The following ABL1 variants were observed in gnomAD, a reference collection of about 807,000 sequenced individuals.
ABL1 encodes ABL proto-oncogene 1, non-receptor tyrosine kinase.
In ABL1, 11 loss-of-function variants were observed where a neutral mutation model predicts 94.7. That is an observed-to-expected ratio of 0.12 (90% CI 0.07 to 0.19). The LOEUF is 0.19. Among genes scored for constraint, ABL1 ranks in the 10% least tolerant of loss-of-function variants. ABL1 has a pLI of 1.00. For missense variants in ABL1, 1,082 were observed against 1,489.4 expected (o/e 0.73, Z 4.50); for synonymous variants, 656 against 622.4 (o/e 1.05, Z -0.80).
chr9:130,785,459 GAAT>G (rs1829813718), intron 1 of ABL1, among the ~76,000 whole-genome samples: 1 of 152,146 alleles, frequency 6.6e-6, no homozygotes, highest in African/African-American at 2.4e-5. Flanking sequence ...TGAAGAGTCT[GAAT>G]CTCAGCTTTG....
upstream of ABL1, among the ~76,000 whole-genome samples, chr9:130,834,225 G>A (rs977597363): frequency 6.6e-6 from 1 of 152,156 alleles, no homozygotes; most frequent in African/African-American, 2.4e-5. Context: ...CACAATACAC[G>A]TCAGCTCTTA....
intron 10 of ABL1, among the ~76,000 whole-genome samples, chr9:130,882,533 A>G (rs1831475967): frequency 6.6e-6 from 1 of 152,116 alleles, no homozygotes; most frequent in African/African-American, 2.4e-5. Context: ...GGCAACACCA[A>G]AAAGATTTCC....
intron 1 of ABL1, among the ~76,000 whole-genome samples, chr9:130,844,320 C>A (rs1830724147): frequency 1.3e-5 from 2 of 152,158 alleles, no homozygotes; most frequent in African/African-American, 4.8e-5. Flanking sequence ...TGCCAAGATG[C>A]AGGGTGGGAA....
intron 4 of ABL1, among the ~76,000 whole-genome samples, chr9:130,867,412 C>G (rs1436658903): frequency 1.3e-5 from 2 of 152,148 alleles, no homozygotes; most frequent in African/African-American, 4.8e-5. Context: ...TTTTGCTGTT[C>G]TAAACAGCAG....
chr9:130,776,136 A>T (rs1832307703), intron 1 of ABL1, among the ~76,000 whole-genome samples: 1 of 152,240 alleles, frequency 6.6e-6, no homozygotes, highest in Non-Finnish European at 1.5e-5. Context: ...GAGGGAAAAG[A>T]AAAAGTGGAA....
intron 4 of ABL1, among the ~76,000 whole-genome samples, chr9:130,869,440 GAGA>G (rs1831215793): frequency 6.6e-6 from 1 of 152,220 alleles, no homozygotes. Context: ...AACAGGCTCA[GAGA>G]AGGTGAGTAA....
At chr9:130,859,914 C>CAG (rs1169657986) in intron 3 of ABL1, among the ~76,000 whole-genome samples, 4 of 151,914 alleles carry the variant, frequency 2.6e-5, no homozygotes, top group Non-Finnish European at 4.4e-5. Context: ...CGCCTGACCT[C>CAG]GTGATCTGCC....
At chr9:130,728,031 ATAAC>A (rs772835697) in intron 1 of ABL1, among the ~76,000 whole-genome samples, 82 of 152,160 alleles carry the variant, frequency 5.4e-4, no homozygotes, top group Non-Finnish European at 1.1e-3. Flanking sequence ...GAATGAAAAT[ATAAC>A]TATAAATACT....
chr9:130,811,370 CAT>C (rs1372214219), intron 1 of ABL1, among the ~76,000 whole-genome samples: 1 of 152,082 alleles, frequency 6.6e-6, no homozygotes, highest in Non-Finnish European at 1.5e-5. Flanking sequence ...TGGATAAATA[CAT>C]AAGATATTTT....
intron 1 of ABL1, among the ~76,000 whole-genome samples, chr9:130,785,179 G>A (rs933882025): frequency 6.6e-6 from 1 of 152,246 alleles, no homozygotes; most frequent in Admixed American, 6.5e-5. Context: ...GCAAGGTCAT[G>A]GTGGGAGGAG....
At position 130,863,085 on chromosome 9, in the gene ABL1, G is replaced by A. The variant is rs760083003; in HGVS notation, c.822+50G>A. The A allele has an allele frequency of 5.2e-6, 8 of 1,528,196 alleles. No individual in the cohort carries two copies. Among genetic ancestry groups the A allele is most frequent in the South Asian group, 2.6e-5 (2 of 77,920 alleles). 94.7% of individuals were successfully genotyped at this position (1,528,196 alleles called of 1,614,324 possible). On this transcript the variant is annotated intron_variant, in intron 4 of 10. Coordinates refer to ENST00000318560, the MANE Select transcript of ABL1 (RefSeq NM_005157.6). This position sits in a 1 kb window ranked among gnomAD's most constrained non-coding sequence, Gnocchi z 4.3. ...CCAGGGTACGTGGGGCAAGGCGTCT[G>A]CTGGCATTAGGCGATGCATCTGCCT... is the stretch of plus-strand genomic sequence containing the variant.
At chr9:130,749,618 T>C (rs1256192945) in intron 1 of ABL1, among the ~76,000 whole-genome samples, 2 of 152,184 alleles carry the variant, frequency 1.3e-5, no homozygotes, top group Non-Finnish European at 2.9e-5. Flanking sequence ...CTTGTAGAAG[T>C]CACTTAGCTG....
intron 1 of ABL1, among the ~76,000 whole-genome samples, chr9:130,844,598 C>G (rs541776984): frequency 3.3e-5 from 5 of 152,010 alleles, no homozygotes; most frequent in African/African-American, 1.2e-4. Flanking sequence ...GTCAGGAGTT[C>G]AAGACCAGCC....
rs1474063941 is a variant in ABL1 at position 130,884,721 on chromosome 9, C to T, written c.2431C>T (p.Pro811Ser). The change falls in exon 11 of 11, where the codon CCC (proline) becomes TCC (serine). Residue 811 changes from proline (P) to serine (S), a missense_variant. This residue lies in a region of ABL1 where 780 missense variants were observed against 835.8 expected (regional missense o/e 0.93). Coordinates refer to ENST00000318560, the MANE Select transcript of ABL1 (RefSeq NM_005157.6). The surrounding 1 kb of genome is among the most constrained non-coding windows in gnomAD (Gnocchi z 5.6). ...IMESSPGSSPPNLTPKPLRRQ... is the reference protein window; with the variant it reads ...IMESSPGSSPSNLTPKPLRRQ... ...GGAGTCCAGCCCGGGCTCCAGCCCG[C>T]CCAACCTGACTCCAAAACCCCTCCG... 1 of 1,612,598 alleles carries T rather than the reference C, an allele frequency of 6.2e-7. No individual in the cohort carries two copies. Among genetic ancestry groups the T allele is most frequent in the Non-Finnish European group, 8.5e-7 (1 of 1,179,900 alleles).
At chr9:130,847,077 C>T (rs1022408242) in intron 1 of ABL1, among the ~76,000 whole-genome samples, 14 of 151,828 alleles carry the variant, frequency 9.2e-5, no homozygotes, top group African/African-American at 3.1e-4. Flanking sequence ...TTACTGTTCT[C>T]GGTGCTCAAC....
rs1312773585 is a variant in ABL1, at chr9:130,884,424, C to T, written c.2134C>T (p.Arg712Cys). 20 of 1,611,952 alleles carry T rather than the reference C, an allele frequency of 1.2e-5. No homozygotes were observed. The highest frequency in any genetic ancestry group is 1.6e-5 in the Non-Finnish European group (19 of 1,179,798). The change falls in exon 11 of 11, where the codon CGC becomes TGC. Residue 712 changes from arginine (R) to cysteine (C), a missense_variant. Arg to Cys is a radical substitution (Grantham distance 180). Around this residue, in one of 7 missense-constraint regions of ABL1, gnomAD observed 780 missense variants for 835.8 expected, o/e 0.93. Coordinates refer to ENST00000318560, the MANE Select transcript of ABL1 (RefSeq NM_005157.6). This position sits in a 1 kb window ranked among gnomAD's most constrained non-coding sequence, Gnocchi z 5.6. ...GGAGGGCGGTGGCAGCTCCAGCAAG[C>T]GCTTCCTGCGCTCTTGCTCCGCCTC... is the stretch of plus-strand genomic sequence containing the variant. ...EEEGGGSSSKRFLRSCSASCV... is the reference protein window; with the variant it reads ...EEEGGGSSSKCFLRSCSASCV...
chr9:130,858,169 G>A (rs1293348575), intron 3 of ABL1, among the ~76,000 whole-genome samples: 2 of 151,670 alleles, frequency 1.3e-5, no homozygotes, highest in African/African-American at 4.9e-5. Flanking sequence ...CCTTGGAACA[G>A]ATGCAGGCAG....
intron 1 of ABL1, among the ~76,000 whole-genome samples, chr9:130,846,998 C>T (rs1235323526): frequency 6.6e-6 from 1 of 151,886 alleles, no homozygotes; most frequent in East Asian, 1.9e-4. Context: ...TATAAAATTT[C>T]CAAATAATTT....
rs181770516 is a variant in ABL1 at position 130,835,681 on chromosome 9, G to A, written c.79+156G>A. Among the ~76,000 whole-genome samples the A allele has an allele frequency of 0.011, 1,558 of 147,950 alleles. 32 individuals carry two copies. Among genetic ancestry groups the A allele is most frequent in the African/African-American group, 0.033 (1,330 of 40,248 alleles). Reference sequence around the variant, plus strand: ...TCCCTCTTCTCTTCTCTTCTCTTCAGTTCTCTTATATTCTGTCTCTCTTTC... The same window carrying A: ...TCCCTCTTCTCTTCTCTTCTCTTCAATTCTCTTATATTCTGTCTCTCTTTC... On this transcript the variant is annotated intron_variant, in intron 1 of 10. Coordinates refer to ENST00000318560, the MANE Select transcript of ABL1 (RefSeq NM_005157.6). The surrounding 1 kb of genome is among the most constrained non-coding windows in gnomAD (Gnocchi z 4.6).
Sources: allele counts gnomAD v4.1 joint callset (sites outside exome capture counted in the v4.1 genomes callset), GRCh38; gene constraint gnomAD v4.1.1; regional missense constraint gnomAD v4.1.1; non-coding constraint Gnocchi (gnomAD v3.1); transcripts MANE v1.5; gene names NCBI Gene and HGNC (gene_info 2026-07-23, HGNC 2026-07-21).